FBXO15: variants seen among roughly 807,000 people sequenced by gnomAD.
FBXO15 encodes F-box protein 15.
FBXO15 carries 30 observed loss-of-function variants against 49.5 expected under a neutral mutation model. The observed-to-expected ratio is 0.61, with a 90% confidence interval of 0.45 to 0.82. FBXO15 has a LOEUF of 0.82. Ranked by LOEUF, FBXO15 falls within the 40% of genes least tolerant of loss-of-function variation. The pLI is 0.00. For missense variants in FBXO15, 591 were observed against 631.5 expected (o/e 0.94, Z 0.69); for synonymous variants, 250 against 232.7 (o/e 1.07, Z -0.68).
At chr18:74,134,341 A>T (rs1473541360) in intron 3 of FBXO15, among the ~76,000 whole-genome samples, 1 of 150,580 alleles carries the variant, frequency 6.6e-6, no homozygotes. Flanking sequence ...TCGGAACTTG[A>T]CTATTCATTA....
At chr18:74,109,319 C>G (rs902137538) in intron 8 of FBXO15, among the ~76,000 whole-genome samples, 2 of 151,954 alleles carry the variant, frequency 1.3e-5, no homozygotes, top group African/African-American at 4.8e-5. Flanking sequence ...CATTAAAAAG[C>G]CAGGAAACAA....
intron 8 of FBXO15, among the ~76,000 whole-genome samples, chr18:74,084,555 TAG>T (rs2145112254): frequency 6.6e-6 from 1 of 152,356 alleles, no homozygotes; most frequent in African/African-American, 2.4e-5. Flanking sequence ...GTGGCTCTCC[TAG>T]AGAGACTATG....
chr18:74,087,165 T>C (rs970321271), intron 8 of FBXO15, among the ~76,000 whole-genome samples: 3 of 152,270 alleles, frequency 2.0e-5, no homozygotes, highest in African/African-American at 7.2e-5. Flanking sequence ...TTTTTGCTGG[T>C]GGAAGGTCTT....
chr18:74,129,565 C>A lies in FBXO15; in HGVS notation c.625G>T (p.Glu209Ter), dbSNP rs1978313574. ...AIILKEKGGK[E>*]YIMEHVDLSI... ...AGATCAACATGCTCCATGATATATT[C>A]TTTTCCACCTTTTTCTTTCAGTATA... The change falls in exon 5 of 10, where the codon GAA becomes TAA. Residue 209 changes from glutamate (E) to a stop codon, truncating the protein, a stop_gained. Coordinates refer to ENST00000419743, the MANE Select transcript of FBXO15 (RefSeq NM_001142958.2). LOFTEE classifies it high-confidence loss of function. 6.2e-7 allele frequency: 1 copy of A among 1,612,636 alleles called. No individual in the cohort carries two copies. Among genetic ancestry groups the A allele is most frequent in the Admixed American group, 1.7e-5 (1 of 59,952 alleles).
intron 8 of FBXO15, among the ~76,000 whole-genome samples, chr18:74,093,229 A>G (rs979888286): frequency 3.1e-5 from 4 of 129,968 alleles, no homozygotes; most frequent in African/African-American, 1.2e-4. Context: ...AAGGTAAGGC[A>G]AGGTTCACTC....
chr18:74,129,209 G>A (rs571287943), intron 5 of FBXO15, among the ~76,000 whole-genome samples, 196 bp downstream of exon 5: 5 of 152,152 alleles, frequency 3.3e-5, no homozygotes, highest in African/African-American at 7.2e-5. Context: ...CCCAAGATAC[G>A]AGGAAGTTAA....
chr18:74,115,575 G>T (rs960261919), intron 8 of FBXO15, among the ~76,000 whole-genome samples: 1 of 152,092 alleles, frequency 6.6e-6, no homozygotes, highest in African/African-American at 2.4e-5. Flanking sequence ...AAACAAACAC[G>T]AATCCTTTGA....
intron 2 of FBXO15, among the ~76,000 whole-genome samples, chr18:74,138,797 G>T (rs1316775915): frequency 6.6e-6 from 1 of 152,130 alleles, no homozygotes; most frequent in East Asian, 1.9e-4. Context: ...TCAGCCAACA[G>T]CTCTGGATTC....
chr18:74,125,857 T>C (rs1714631828), intron 6 of FBXO15, 118 bp downstream of exon 6: 2 of 1,373,994 alleles, frequency 1.5e-6, no homozygotes, highest in African/African-American at 1.4e-5. Flanking sequence ...GATGGTAAAA[T>C]GGATTGCAGT....
intron 2 of FBXO15, among the ~76,000 whole-genome samples, chr18:74,138,380 C>T (rs1347274286): frequency 2.0e-5 from 3 of 152,164 alleles, no homozygotes; most frequent in South Asian, 2.1e-4. Flanking sequence ...GCCTCCTCCC[C>T]CCGCCTCCCC....
At chr18:74,132,520 T>C (rs1448029273) in intron 3 of FBXO15, among the ~76,000 whole-genome samples, 2 of 152,238 alleles carry the variant, frequency 1.3e-5, no homozygotes, top group Non-Finnish European at 2.9e-5. Context: ...TATGTTCACA[T>C]ACATGATCAT....
chr18:74,125,998 C>T lies in FBXO15; in HGVS notation c.889G>A (p.Gly297Ser), dbSNP rs775018945. Reference protein sequence around the residue: ...RLIRIFCLHPGLLVGVWKKEE... With the variant: ...RLIRIFCLHPSLLVGVWKKEE... ...ACCTTCCACACTCCCACCAGGAGGC[C>T]AGGGTGCAGGCAGAAGATCCGAATG... Residue 297 changes from glycine to serine, a missense_variant, in exon 6 of 10, where the codon GGC (glycine) becomes AGC (serine). Gly to Ser is a moderately conservative substitution (Grantham distance 56). Transcript: ENST00000419743. 8 of 1,614,002 alleles carry T rather than the reference C, an allele frequency of 5.0e-6. No homozygotes were observed. The highest frequency in any genetic ancestry group is 5.9e-6 in the Non-Finnish European group (7 of 1,179,972).
chr18:74,104,295 C>G (rs1187193713), intron 8 of FBXO15, among the ~76,000 whole-genome samples: 2 of 151,664 alleles, frequency 1.3e-5, no homozygotes, highest in African/African-American at 4.8e-5. Context: ...AATAGATTAA[C>G]TAAAAATAAA....
Position 74,130,521 on chromosome 18 carries a change from T to C in FBXO15, c.470A>G (p.Glu157Gly). 1 of 1,614,188 alleles carries C rather than the reference T, an allele frequency of 6.2e-7. No individual in the cohort carries two copies. Among genetic ancestry groups the C allele is most frequent in the Non-Finnish European group, 8.5e-7 (1 of 1,180,012 alleles). ...AGATGCTATTTGTTTTGTGATATATTCTTTCTTCCAATAACCAGCTTCTTT... is the reference window on the plus strand; with the variant it reads ...AGATGCTATTTGTTTTGTGATATATCCTTTCTTCCAATAACCAGCTTCTTT... ...QDKEAGYWKK[E>G]YITKQIASVK... is the part of the protein sequence containing the mutation. Residue 157 changes from glutamate (E) to glycine (G), a missense_variant, in exon 4 of 10, where the codon GAA (glutamate) becomes GGA (glycine). Physicochemically the swap from Glu to Gly is moderately conservative, Grantham distance 98 (BLOSUM62 -2). Transcript: ENST00000419743.
rs189656027 is a variant in FBXO15, at chr18:74,077,267, G to A, written c.1264-3537C>T. Among the ~76,000 whole-genome samples the A allele has an allele frequency of 1.3e-3, 193 of 152,320 alleles. 1 individual carries two copies. Among genetic ancestry groups the A allele is most frequent in the Non-Finnish European group, 1.6e-4 (11 of 68,028 alleles). The stretch of plus-strand genomic sequence containing the variant: ...GAGGGAGGTGGTAAGAGTAGTGATG[G>A]AGGTGCTGGTTGTTATTAAACACTA... On this transcript the variant is annotated intron_variant, in intron 9 of 9. Coordinates refer to ENST00000419743, the MANE Select transcript of FBXO15 (RefSeq NM_001142958.2).
At chr18:74,131,814 G>A (rs952749491) in intron 3 of FBXO15, among the ~76,000 whole-genome samples, 1 of 152,220 alleles carries the variant, frequency 6.6e-6, no homozygotes, top group South Asian at 2.1e-4. Flanking sequence ...CGGCCTGGAG[G>A]CTGCAAGGAA....
At chr18:74,100,534 A>G (rs188530521) in intron 8 of FBXO15, among the ~76,000 whole-genome samples, 2 of 152,226 alleles carry the variant, frequency 1.3e-5, no homozygotes, top group Admixed American at 1.3e-4. Flanking sequence ...ACCAAACCCA[A>G]ACTCGGCAGA....
At chr18:74,083,117 C>T (rs9653060) in intron 8 of FBXO15, among the ~76,000 whole-genome samples, 1,635 of 152,294 alleles carry the variant, frequency 0.011, 32 homozygotes, top group African/African-American at 0.037. Context: ...TTTCCAGCCC[C>T]GCAAACGGGA....
intron 8 of FBXO15, among the ~76,000 whole-genome samples, chr18:74,104,673 T>C (rs961761181): frequency 4.6e-5 from 7 of 152,024 alleles, no homozygotes; most frequent in African/African-American, 1.4e-4. Flanking sequence ...AAATAGACGG[T>C]AATAATGGAG....
Sources: allele counts gnomAD v4.1 joint callset (sites outside exome capture counted in the v4.1 genomes callset), GRCh38; gene constraint gnomAD v4.1.1; transcripts MANE v1.5; gene names NCBI Gene and HGNC (gene_info 2026-07-23, HGNC 2026-07-21).